Variants in PRLR observed in about 807,000 individuals in gnomAD.
PRLR encodes the protein hPRL receptor.
PRLR carries 13 observed loss-of-function variants against 40.2 expected under a neutral mutation model. That is an observed-to-expected ratio of 0.32 (90% CI 0.21 to 0.51). The LOEUF (loss-of-function observed/expected upper bound fraction) is 0.51. PRLR is among the 20% of genes least tolerant of loss of function. PRLR has a pLI of 0.97. For missense variants in PRLR, 656 were observed against 747.3 expected (o/e 0.88, Z 1.42); for synonymous variants, 269 against 278.7 (o/e 0.97, Z 0.35).
intron 2 of PRLR, among the ~76,000 whole-genome samples, chr5:35,090,791 C>CTTTTTTTTTTTTT (rs554800498): frequency 3.4e-5 from 2 of 59,154 alleles, no homozygotes; most frequent in African/African-American, 4.9e-5. Context: ...TCAATTAGCT[C>CTTTTTTTTTTTTT]TTTTTTTTTT....
In PRLR at chr5:35,058,490, G is replaced by T. The variant is rs1164365069; in HGVS notation, c.*6599C>A. On this transcript the variant is annotated 3_prime_UTR_variant, in exon 10 of 10. Transcript: ENST00000618457. The stretch of plus-strand genomic sequence containing the variant: ...AGAGGCTGACTTTCAAACAACTGTT[G>T]GATTGTACTTTAAATGTGTAACACC... 6.6e-6 allele frequency: 1 copy of T among 152,170 alleles called. No individual in the cohort carries two copies. Among genetic ancestry groups the T allele is most frequent in the African/African-American group, 2.4e-5 (1 of 41,430 alleles). The allele number at this position is 152,170 out of a possible 1,614,324, so 9.4% of individuals were successfully genotyped here. A position where few individuals can be genotyped will look rare whatever the true frequency, so the allele number is the denominator to read the frequency against.
At chr5:35,136,569 A>G (rs1773863843) in intron 1 of PRLR, among the ~76,000 whole-genome samples, 2 of 152,170 alleles carry the variant, frequency 1.3e-5, no homozygotes, top group South Asian at 4.1e-4. Context: ...TGAGTCATGC[A>G]TGGGAGAGGC....
chr5:35,084,646 T>A lies in PRLR; in HGVS notation c.204-7A>T, dbSNP rs1307706762. On this transcript the variant is annotated splice_polypyrimidine_tract_variant and splice_region_variant and intron_variant, in intron 4 of 9. Transcript: ENST00000618457. ...TTCATGCATGAGTGTCTCTCTGCAA[T>A]AAGTAATGTATTAGGAATGAATAAG... The A allele has an allele frequency of 6.2e-7, 1 of 1,608,326 alleles. No homozygotes were observed.
chr5:35,166,097 T>C lies in PRLR; in HGVS notation c.-105-47975A>G, dbSNP rs115990788. ...AAATAATGATACAGAGCTTTGATTG[T>C]TGAGGCCAAGGTTTGAGACAGAACA... On this transcript the variant is annotated intron_variant, in intron 1 of 9. Transcript: ENST00000618457. 6.8e-3 allele frequency among the ~76,000 whole-genome samples: 1,038 copies of C among 152,330 alleles called. 16 individuals are homozygous for C. Among genetic ancestry groups the C allele is most frequent in the African/African-American group, 0.024 (993 of 41,584 alleles).
intron 1 of PRLR, among the ~76,000 whole-genome samples, chr5:35,129,412 G>T (rs932400536): frequency 2.0e-5 from 3 of 152,114 alleles, no homozygotes; most frequent in Non-Finnish European, 4.4e-5. Flanking sequence ...CATCCTTAAG[G>T]TATTGGCCAG....
At chr5:35,192,067 TTCA>T (rs1775623058) in intron 1 of PRLR, among the ~76,000 whole-genome samples, 1 of 152,206 alleles carries the variant, frequency 6.6e-6, no homozygotes. Flanking sequence ...GACCATGGAC[TTCA>T]TCACGCTTGA....
rs11343067 is a variant in PRLR at position 35,187,399 on chromosome 5, T to TA, written c.-106+42868dup. Among the ~76,000 whole-genome samples, 668 of 141,096 alleles carry TA rather than the reference T, an allele frequency of 4.7e-3. 1 individual carries two copies. Among genetic ancestry groups the TA allele is most frequent in the Non-Finnish European group, 7.4e-3 (474 of 64,486 alleles). The allele number at this position is 141,096 out of a possible 152,430, so 92.6% of individuals were successfully genotyped here. A position where few individuals can be genotyped will look rare whatever the true frequency, so the allele number is the denominator to read the frequency against. ...CTGGGTGACAGAGAGAAACTCCGTTTAAAAAAAAAAAAAAGAAGAAGAAGG... is the reference window on the plus strand; with the variant it reads ...CTGGGTGACAGAGAGAAACTCCGTTTAAAAAAAAAAAAAAAGAAGAAGAAGG... On this transcript the variant is annotated intron_variant, in intron 1 of 9. Transcript: ENST00000618457.
At chr5:35,136,725 G>T (rs1251335358) in intron 1 of PRLR, among the ~76,000 whole-genome samples, 1 of 152,096 alleles carries the variant, frequency 6.6e-6, no homozygotes, top group Non-Finnish European at 1.5e-5. Context: ...TCCCACTTTA[G>T]CTGGCTAGCC....
chr5:35,154,913 C>T (rs1169995286), intron 1 of PRLR, among the ~76,000 whole-genome samples: 1 of 151,332 alleles, frequency 6.6e-6, no homozygotes, highest in African/African-American at 2.4e-5. Flanking sequence ...TACATGTTTT[C>T]ACTTATTAGT....
At chr5:35,082,817 G>A in intron 5 of PRLR, among the ~76,000 whole-genome samples, 1 of 152,262 alleles carries the variant, frequency 6.6e-6, no homozygotes, top group Middle Eastern at 3.4e-3. Flanking sequence ...GGTTATAGGA[G>A]AGTTCTGTGG....
chr5:35,120,109 G>T (rs932260328), intron 1 of PRLR, among the ~76,000 whole-genome samples: 1 of 152,086 alleles, frequency 6.6e-6, no homozygotes, highest in African/African-American at 2.4e-5. Context: ...TTCAAGTAGG[G>T]TTCTACCCAC....
chr5:35,144,766 A>G (rs998070538), intron 1 of PRLR, among the ~76,000 whole-genome samples: 3 of 152,036 alleles, frequency 2.0e-5, no homozygotes, highest in Non-Finnish European at 2.9e-5. Flanking sequence ...ACCTGGCCAA[A>G]TTTTTAGGCA....
chr5:35,172,321 C>T (rs1775022375), intron 1 of PRLR, among the ~76,000 whole-genome samples: 1 of 152,122 alleles, frequency 6.6e-6, no homozygotes, highest in South Asian at 2.1e-4. Context: ...TAGGGGCTCT[C>T]TTGCCTTCTG....
At chr5:35,125,409 G>A (rs191830899) in intron 1 of PRLR, among the ~76,000 whole-genome samples, 20 of 152,142 alleles carry the variant, frequency 1.3e-4, no homozygotes, top group African/African-American at 4.8e-4. Flanking sequence ...TACAAGCTAG[G>A]GCTACACTAA....
chr5:35,152,775 C>T (rs1030325249), intron 1 of PRLR: 3 of 152,154 alleles, frequency 2.0e-5, no homozygotes, highest in Non-Finnish European at 4.4e-5. Flanking sequence ...CAATCCAGAG[C>T]AAGGAACTAA....
chr5:35,138,250 T>A (rs931161286), intron 1 of PRLR, among the ~76,000 whole-genome samples: 6 of 152,214 alleles, frequency 3.9e-5, no homozygotes, highest in Admixed American at 6.5e-5. Flanking sequence ...GTTTCAGTTT[T>A]GCAAGATGAA....
intron 1 of PRLR, among the ~76,000 whole-genome samples, chr5:35,218,468 T>G (rs938448495): frequency 6.6e-6 from 1 of 152,228 alleles, no homozygotes; most frequent in South Asian, 2.1e-4. Context: ...TTATAGCCAT[T>G]GCTGAATAGT....
intron 1 of PRLR, chr5:35,152,873 T>C (rs1206073254): frequency 2.6e-5 from 4 of 152,196 alleles, no homozygotes; most frequent in Non-Finnish European, 5.9e-5. Flanking sequence ...TGAAGGGAAG[T>C]GGATAAAGGC....
intron 3 of PRLR, among the ~76,000 whole-genome samples, chr5:35,087,089 G>A (rs1353826161): frequency 6.6e-6 from 1 of 152,056 alleles, no homozygotes; most frequent in Non-Finnish European, 1.5e-5. Context: ...CACCTCCTGG[G>A]TTCAAGCAAT....
Sources: gnomAD v4.1 joint callset for allele counts (sites outside exome capture counted in the v4.1 genomes callset) on GRCh38, gnomAD v4.1.1 for gene constraint, MANE v1.5 for transcripts, NCBI Gene and HGNC (gene_info 2026-07-23, HGNC 2026-07-21) for gene names.